The following DKK3 variants were observed in gnomAD, a reference collection of about 807,000 sequenced individuals.
DKK3 encodes dickkopf-related protein 3.
In DKK3, 22 loss-of-function variants were observed where a neutral mutation model predicts 33.2. The observed-to-expected ratio is 0.66, with a 90% CI of 0.47 to 0.95. The LOEUF (loss-of-function observed/expected upper bound fraction) is 0.95. DKK3 is among the 40% of genes least tolerant of loss of function. The pLI, the probability that DKK3 is intolerant of heterozygous loss-of-function variation, is 0.00. For missense variants in DKK3, 398 were observed against 458.4 expected (o/e 0.87, Z 1.20); for synonymous variants, 194 against 188.8 (o/e 1.03, Z -0.23).
intron 3 of DKK3, among the ~76,000 whole-genome samples, chr11:11,985,249 G>C (rs775651355): frequency 1.3e-5 from 2 of 152,266 alleles, no homozygotes. Context: ...CAGCACCAAG[G>C]AGCCCGGCCA....
At chr11:12,009,688 C>T (rs1190708887), upstream of DKK3, 2 of 985,546 alleles carry the variant, frequency 2.0e-6, no homozygotes, top group African/African-American at 1.7e-5. Context: ...AGGAAAAATC[C>T]CAGCCCCCAG....
chr11:11,978,182 A>C (rs192372197), intron 3 of DKK3, among the ~76,000 whole-genome samples: 6 of 152,314 alleles, frequency 3.9e-5, no homozygotes, highest in Middle Eastern at 3.4e-3. Flanking sequence ...GAGCAGGAGA[A>C]GGTTGAGAAG....
At chr11:11,967,938 G>C (rs531900935) in intron 4 of DKK3, among the ~76,000 whole-genome samples, 58 of 152,264 alleles carry the variant, frequency 3.8e-4, no homozygotes, top group Non-Finnish European at 7.2e-4. Flanking sequence ...TCCCTGCCTG[G>C]GGGCTGCCGG....
intron 3 of DKK3, among the ~76,000 whole-genome samples, chr11:11,988,841 G>A (rs1046396978): frequency 6.6e-6 from 1 of 152,240 alleles, no homozygotes; most frequent in Admixed American, 6.5e-5. Context: ...GTTGGCTACA[G>A]ACCAGGGTGA....
chr11:11,995,144 A>G (rs1024544809), intron 3 of DKK3, among the ~76,000 whole-genome samples: 12 of 152,142 alleles, frequency 7.9e-5, no homozygotes, highest in African/African-American at 2.9e-4. Flanking sequence ...CAGTGATGCA[A>G]TCATAGCTCA....
intron 3 of DKK3, among the ~76,000 whole-genome samples, chr11:11,987,219 G>A (rs898598774): frequency 9.9e-5 from 15 of 152,096 alleles, no homozygotes; most frequent in Admixed American, 2.6e-4. Flanking sequence ...CCCTTTCCCA[G>A]CTGGTCTTCA....
Position 11,964,638 on chromosome 11 carries a change from G to C in DKK3, c.879C>G (p.Asp293Glu). 6.2e-7 allele frequency: 1 copy of C among 1,614,148 alleles called. No homozygotes were observed. The highest frequency in any genetic ancestry group is 1.1e-5 in the South Asian group (1 of 91,080). ...VCKPTFVGSR[D>E]QDGEILLPRE... ...TGGGCAGCAGGATCTCCCCATCTTG[G>C]TCACGGCTCCCCACGAAGGTCGGCT... is the stretch of plus-strand genomic sequence containing the variant. Residue 293 changes from aspartate to glutamate, a missense_variant, in exon 7 of 7, where the codon GAC becomes GAG. Transcript: ENST00000683431.
At chr11:11,982,061 T>C (rs1303771218) in intron 3 of DKK3, among the ~76,000 whole-genome samples, 2 of 152,114 alleles carry the variant, frequency 1.3e-5, no homozygotes, top group African/African-American at 4.8e-5. Context: ...TTGCCCCCGG[T>C]GATGCTGGAA....
At chr11:11,982,438 C>T (rs185169652) in intron 3 of DKK3, among the ~76,000 whole-genome samples, 1 of 152,304 alleles carries the variant, frequency 6.6e-6, no homozygotes, top group East Asian at 1.9e-4. Flanking sequence ...ACTCAGCTAC[C>T]TCCACAAATC....
intron 3 of DKK3, among the ~76,000 whole-genome samples, chr11:11,991,511 G>A (rs1848187372): frequency 6.6e-6 from 1 of 152,096 alleles, no homozygotes; most frequent in Non-Finnish European, 1.5e-5. Flanking sequence ...CCTGGGGCCA[G>A]GAGTTCAAAA....
chr11:11,971,521 C>G (rs1847725755), intron 3 of DKK3, among the ~76,000 whole-genome samples: 1 of 152,186 alleles, frequency 6.6e-6, no homozygotes, highest in African/African-American at 2.4e-5. Flanking sequence ...AACAGGCCAA[C>G]AAAATGCAGA....
rs771300307 is a variant in DKK3, at chr11:12,002,313, C to CGGT, written c.335_337dup (p.His112dup). The CGGT allele has an allele frequency of 1.9e-6, 3 of 1,613,064 alleles. No individual in the cohort carries two copies. The highest frequency in any genetic ancestry group is 2.5e-6 in the Non-Finnish European group (3 of 1,179,342). ...GCCATGACTTACCTTGTGAATTTCT[C>CGGT]GGTGCACATGGATGGTATTATTTCC... is the stretch of plus-strand genomic sequence containing the variant. On this transcript the variant is annotated inframe_insertion, in exon 2 of 7. Transcript: ENST00000683431.
intron 3 of DKK3, among the ~76,000 whole-genome samples, chr11:11,985,447 CA>C (rs1349488869): frequency 6.6e-6 from 1 of 152,210 alleles, no homozygotes; most frequent in Non-Finnish European, 1.5e-5. Flanking sequence ...AAAACCTAAC[CA>C]GTTATGTTGT....
intron 3 of DKK3, among the ~76,000 whole-genome samples, chr11:11,981,078 A>G (rs1847944950): frequency 6.6e-6 from 1 of 152,230 alleles, no homozygotes; most frequent in Non-Finnish European, 1.5e-5. Context: ...CCTCAATCAT[A>G]CCGTCCTCAT....
At position 11,965,954 on chromosome 11, in the gene DKK3, G is replaced by A. The variant is rs1045241569; in HGVS notation, c.685C>T (p.Pro229Ser). ...CCAFQRGLLF[P>S]VCTPLPVEGE... ...TCCACGGGCAGGGGTGTGCACACAG[G>A]GAACAGCAGGCCTGGAACCAGCCCA... The change falls in exon 6 of 7, where the codon CCT (proline) becomes TCT (serine). Residue 229 changes from proline to serine, a missense_variant. By Grantham distance (74) the Pro-to-Ser change is moderately conservative. Transcript: ENST00000683431. 2.5e-6 allele frequency: 4 copies of A among 1,612,448 alleles called. No homozygotes were observed. The African/African-American group carries it at 5.3e-5, about 22-fold the overall frequency.
At chr11:11,977,680 G>C (rs1160570107) in intron 3 of DKK3, among the ~76,000 whole-genome samples, 1 of 152,070 alleles carries the variant, frequency 6.6e-6, no homozygotes, top group East Asian at 1.9e-4. Flanking sequence ...GCCTGGCCGG[G>C]GTCTATTCCC....
At chr11:12,009,602 G>A (rs963464463), upstream of DKK3, 12 of 985,838 alleles carry the variant, frequency 1.2e-5, no homozygotes, top group African/African-American at 5.2e-5. Context: ...ACAGCCCACC[G>A]AGGTTGGGGG....
At chr11:12,005,975 G>A (rs1381422857) in intron 1 of DKK3, among the ~76,000 whole-genome samples, 2 of 152,182 alleles carry the variant, frequency 1.3e-5, no homozygotes, top group Non-Finnish European at 2.9e-5. Context: ...CACTGGTGGT[G>A]TTTTGTTATC....
rs1418058857 is a variant in DKK3 at position 12,002,303 on chromosome 11, G to A, written c.348C>T (p.His116=). The A allele has an allele frequency of 6.2e-7, 1 of 1,612,926 alleles. No individual in the cohort carries two copies. The highest frequency in any genetic ancestry group is 1.7e-5 in the Admixed American group (1 of 59,926). Residue 116 remains histidine (H), a synonymous_variant, in exon 2 of 7, where the codon CAC becomes CAT. Transcript: ENST00000683431. ...NNTIHVHREI[H]KITNNQTGQM... is the part of the protein sequence containing the mutation. Reference sequence around the variant, plus strand: ...GGAAGTGCTGGCCATGACTTACCTTGTGAATTTCTCGGTGCACATGGATGG... The same window carrying A: ...GGAAGTGCTGGCCATGACTTACCTTATGAATTTCTCGGTGCACATGGATGG...
Sources: allele counts gnomAD v4.1 joint callset (sites outside exome capture counted in the v4.1 genomes callset), GRCh38; gene constraint gnomAD v4.1.1; transcripts MANE v1.5; gene names NCBI Gene and HGNC (gene_info 2026-07-23, HGNC 2026-07-21).